LEPR: variants seen among roughly 807,000 people sequenced by gnomAD.
LEPR encodes the protein leptin receptor.
In LEPR, 56 loss-of-function variants were observed where a neutral mutation model predicts 114.7. The ratio of observed to expected loss-of-function variants is 0.49; its 90% confidence interval spans 0.39 to 0.61. LEPR has a LOEUF of 0.61. Ranked by LOEUF, LEPR falls within the 20% of genes least tolerant of loss-of-function variation. LEPR has a pLI of 0.00. For missense variants in LEPR, 1,202 were observed against 1,352.9 expected (o/e 0.89, Z 1.75); for synonymous variants, 443 against 461.4 (o/e 0.96, Z 0.51).
At position 65,577,811 on chromosome 1, in the gene LEPR, C is replaced by CT. The variant is rs879736849; in HGVS notation, c.494+5373dup. 482 of 144,572 alleles carry CT rather than the reference C, an allele frequency of 3.3e-3. 15 individuals carry two copies. The highest frequency in any genetic ancestry group is 1.0e-2 in the African/African-American group (386 of 38,660). 9.0% of individuals were successfully genotyped at this position (144,572 alleles called of 1,614,324 possible). ...GGGGTCCAGGCCCCTTGAGCACATT[C>CT]TTTTTTTTTTTAATATAGTTTAAGT... On this transcript the variant is annotated intron_variant, in intron 5 of 19. Transcript: ENST00000349533.
At chr1:65,573,155 G>T (rs1187130096) in intron 5 of LEPR, among the ~76,000 whole-genome samples, 3 of 152,204 alleles carry the variant, frequency 2.0e-5, no homozygotes, top group Non-Finnish European at 2.9e-5. Context: ...GTGGCATATG[G>T]CCAAGGGATG....
chr1:65,623,435 A>T (rs1379306891), intron 19 of LEPR: 1 of 152,938 alleles, frequency 6.5e-6, no homozygotes, highest in East Asian at 1.9e-4. Context: ...TGCAGTGATC[A>T]TAATAAAACT....
chr1:65,627,072 T>C (rs1007427368), intron 19 of LEPR, among the ~76,000 whole-genome samples: 4 of 152,256 alleles, frequency 2.6e-5, no homozygotes, highest in African/African-American at 9.6e-5. Flanking sequence ...AATAGCCTTA[T>C]ATTTTCTGAT....
intron 2 of LEPR, among the ~76,000 whole-genome samples, chr1:65,499,738 A>G (rs1485262241): frequency 1.3e-5 from 2 of 152,126 alleles, no homozygotes; most frequent in Non-Finnish European, 2.9e-5. Context: ...TAGGCATTTA[A>G]TACCTCCCAG....
intron 2 of LEPR, among the ~76,000 whole-genome samples, chr1:65,472,615 GACAC>G (rs77182938): frequency 0.034 from 4,671 of 137,110 alleles, 153 homozygotes; most frequent in African/African-American, 0.085. Flanking sequence ...TATATATATA[GACAC>G]ACACACACAC....
At chr1:65,634,699 T>C in intron 19 of LEPR, 8 of 959,284 alleles carry the variant, frequency 8.3e-6, no homozygotes, top group Non-Finnish European at 9.9e-6. Flanking sequence ...ATGGTTATGG[T>C]TTTTTTGTAT....
At chr1:65,509,206 C>T (rs370918251) in intron 2 of LEPR, among the ~76,000 whole-genome samples, 95 of 152,222 alleles carry the variant, frequency 6.2e-4, no homozygotes, top group African/African-American at 2.2e-3. Flanking sequence ...ATTGCTCTGG[C>T]TAGGACTTCC....
chr1:65,429,932 G>A, intron 2 of LEPR: 1 of 1,558,930 alleles, frequency 6.4e-7, no homozygotes, highest in Non-Finnish European at 8.8e-7. Flanking sequence ...TGCCAAAAGA[G>A]TCACCTATGA....
chr1:65,445,478 T>C (rs911747214), intron 2 of LEPR, among the ~76,000 whole-genome samples: 3 of 152,210 alleles, frequency 2.0e-5, no homozygotes, highest in Non-Finnish European at 4.4e-5. Context: ...GTATCCACTA[T>C]GGTGTAAGAC....
At chr1:65,579,814 A>G (rs1654857790) in intron 5 of LEPR, among the ~76,000 whole-genome samples, 1 of 152,150 alleles carries the variant, frequency 6.6e-6, no homozygotes, top group African/African-American at 2.4e-5. Flanking sequence ...TATGTGTAAT[A>G]TATAGATATA....
At chr1:65,616,994 G>T (rs933742309) in intron 15 of LEPR, among the ~76,000 whole-genome samples, 1 of 152,056 alleles carries the variant, frequency 6.6e-6, no homozygotes, top group Non-Finnish European at 1.5e-5. Flanking sequence ...TTTACATTAT[G>T]ATTACCTTTG....
intron 2 of LEPR, chr1:65,526,111 G>A (rs1649945628): frequency 3.1e-6 from 3 of 982,522 alleles, no homozygotes; most frequent in Non-Finnish European, 3.6e-6. Context: ...CGGGACCACC[G>A]AGAGAGCATG....
chr1:65,542,270 T>G (rs991641951), intron 2 of LEPR, among the ~76,000 whole-genome samples: 7 of 152,044 alleles, frequency 4.6e-5, no homozygotes, highest in African/African-American at 7.2e-5. Context: ...CTTTTTTTTC[T>G]TTTCATTTCT....
intron 2 of LEPR, among the ~76,000 whole-genome samples, chr1:65,551,015 T>C (rs1205154637): frequency 1.3e-5 from 2 of 151,984 alleles, no homozygotes; most frequent in African/African-American, 4.8e-5. Context: ...TGATAGATTA[T>C]GTTTATTGAT....
At chr1:65,450,966 A>T (rs1249140032) in intron 2 of LEPR, among the ~76,000 whole-genome samples, 1 of 150,268 alleles carries the variant, frequency 6.7e-6, no homozygotes, top group African/African-American at 2.4e-5. Flanking sequence ...AATGATTGCC[A>T]TTCTAACTGG....
intron 2 of LEPR, among the ~76,000 whole-genome samples, chr1:65,466,845 G>A (rs998724904): frequency 6.6e-6 from 1 of 152,046 alleles, no homozygotes; most frequent in Admixed American, 6.6e-5. Flanking sequence ...CATGCATCAC[G>A]AAGTTCTTGT....
At chr1:65,427,223 T>C (rs1646395035) in intron 2 of LEPR, among the ~76,000 whole-genome samples, 1 of 152,176 alleles carries the variant, frequency 6.6e-6, no homozygotes, top group Non-Finnish European at 1.5e-5. Flanking sequence ...TTATCCTCAT[T>C]TCTCGCTGGG....
At position 65,605,019 on chromosome 1, in the gene LEPR, A is replaced by C; in HGVS notation, c.1404-19A>C. On this transcript the variant is annotated intron_variant, in intron 10 of 19. Coordinates refer to ENST00000349533, the MANE Select transcript of LEPR (RefSeq NM_002303.6). ...TTTTATTAATGTATACTAATTGACTATTTTTGTATCTTTTAAAGGAGCAGC... is the reference window on the plus strand; with the variant it reads ...TTTTATTAATGTATACTAATTGACTCTTTTTGTATCTTTTAAAGGAGCAGC... 1 of 1,609,874 alleles carries C rather than the reference A, an allele frequency of 6.2e-7. No homozygotes were observed. The highest frequency in any genetic ancestry group is 8.5e-7 in the Non-Finnish European group (1 of 1,179,576).
intron 2 of LEPR, among the ~76,000 whole-genome samples, chr1:65,482,715 C>T (rs1053141100): frequency 7.2e-5 from 11 of 152,032 alleles, no homozygotes; most frequent in South Asian, 2.1e-4. Flanking sequence ...AGGCTGGGTG[C>T]GATGGCTCAA....
Sources: allele counts gnomAD v4.1 joint callset (sites outside exome capture counted in the v4.1 genomes callset), GRCh38; gene constraint gnomAD v4.1.1; transcripts MANE v1.5; gene names NCBI Gene and HGNC (gene_info 2026-07-23, HGNC 2026-07-21).